Variants in LDHAL6A observed in about 807,000 individuals in gnomAD.
LDHAL6A encodes the protein lactate dehydrogenase A like 6A, also known as L-lactate dehydrogenase A-like 6A.
A neutral mutation model predicts 28.2 loss-of-function variants in LDHAL6A; 19 were observed. The ratio of observed to expected loss-of-function variants is 0.67; its 90% CI spans 0.47 to 0.99. LDHAL6A has a LOEUF of 0.99. Among genes scored for constraint, LDHAL6A ranks in the 50% least tolerant of loss-of-function variants. The pLI, the probability that LDHAL6A is intolerant of heterozygous loss-of-function variation, is 0.00. For synonymous variants in LDHAL6A, 144 were observed against 134.4 expected (o/e 1.07, Z -0.49); for missense variants, 372 against 398.6 (o/e 0.93, Z 0.57).
At position 18,464,020 on chromosome 11, in the gene LDHAL6A, A is replaced by G. The variant is rs201032245; in HGVS notation, c.186A>G (p.Thr62=). ...DVDEGKLKGE[T]MDLQHGSPFM... ...ATGAAGGCAAACTGAAGGGTGAGACAATGGATCTTCAACATGGCAGCCCTT... is the reference window on the plus strand; with the variant it reads ...ATGAAGGCAAACTGAAGGGTGAGACGATGGATCTTCAACATGGCAGCCCTT... Residue 62 remains threonine (T), a synonymous_variant, in exon 2 of 7, where the codon ACA becomes ACG. Transcript: ENST00000280706. The G allele has an allele frequency of 2.7e-5, 43 of 1,614,008 alleles. No individual in the cohort carries two copies. The highest frequency in any genetic ancestry group is 3.6e-5 in the Non-Finnish European group (43 of 1,179,970).
chr11:18,464,992 G>GTTTTTTTTT (rs1212053975), intron 2 of LDHAL6A, among the ~76,000 whole-genome samples: 1 of 119,878 alleles, frequency 8.3e-6, no homozygotes, highest in African/African-American at 3.5e-5. Context: ...TTTTTGTTTT[G>GTTTTTTTTT]TTTTGTTTTG....
chr11:18,465,940 A>G (rs981409296), intron 3 of LDHAL6A, 130 bp downstream of exon 3: 2 of 644,776 alleles, frequency 3.1e-6, no homozygotes, highest in Non-Finnish European at 2.6e-6. Context: ...TACTGAGCAA[A>G]GTACCTAATA....
At chr11:18,473,969 A>G (rs1281701137) in intron 3 of LDHAL6A, among the ~76,000 whole-genome samples, 1 of 152,052 alleles carries the variant, frequency 6.6e-6, no homozygotes, top group African/African-American at 2.4e-5. Flanking sequence ...AAATGATCAT[A>G]TCTATCTTTT....
At chr11:18,462,627 ACT>A (rs1254709441) in intron 1 of LDHAL6A, among the ~76,000 whole-genome samples, 1 of 134,090 alleles carries the variant, frequency 7.5e-6, no homozygotes, top group South Asian at 2.3e-4. Flanking sequence ...ACAGAGCAAG[ACT>A]CTGTCTCAAA....
At chr11:18,457,729 G>T (rs184862040) in intron 1 of LDHAL6A, among the ~76,000 whole-genome samples, 78 of 152,216 alleles carry the variant, frequency 5.1e-4, no homozygotes, top group African/African-American at 1.6e-3. Context: ...GTTTGATGGG[G>T]CCTCCACGTA....
At chr11:18,473,092 T>A (rs1472586395) in intron 3 of LDHAL6A, among the ~76,000 whole-genome samples, 1 of 152,226 alleles carries the variant, frequency 6.6e-6, no homozygotes, top group Non-Finnish European at 1.5e-5. Context: ...GAGTATTTTC[T>A]TATTTTTGAT....
At chr11:18,467,157 A>C (rs562672849) in intron 3 of LDHAL6A, among the ~76,000 whole-genome samples, 141 of 152,328 alleles carry the variant, frequency 9.3e-4, no homozygotes, top group African/African-American at 3.3e-3. Context: ...CTGTATTCTA[A>C]AATTATTTGG....
Position 18,456,495 on chromosome 11 carries a change from A to G in LDHAL6A, c.-186A>G. On this transcript the variant is annotated 5_prime_UTR_variant, in exon 1 of 7. Coordinates refer to ENST00000280706, the MANE Select transcript of LDHAL6A (RefSeq NM_144972.5). ...TTCATGGATGCTGAGCTGCCTGGCC[A>G]GAACCTACCCAGCTTCTTTGCTGGT... 2 of 579,320 alleles carry G rather than the reference A, an allele frequency of 3.5e-6. No individual in the cohort carries two copies. Among genetic ancestry groups the G allele is most frequent in the East Asian group, 3.0e-5 (1 of 32,860 alleles). 35.9% of individuals were successfully genotyped at this position (579,320 alleles called of 1,614,324 possible).
chr11:18,466,840 TG>T (rs1849087211), intron 3 of LDHAL6A, among the ~76,000 whole-genome samples: 4 of 152,256 alleles, frequency 2.6e-5, no homozygotes, highest in Admixed American at 2.6e-4. Flanking sequence ...ATTTACAAGG[TG>T]GACAAACTGA....
chr11:18,468,006 T>C (rs1457603108), intron 3 of LDHAL6A, among the ~76,000 whole-genome samples: 1 of 70,634 alleles, frequency 1.4e-5, no homozygotes, highest in Admixed American at 1.9e-4. Context: ...TATATACGTA[T>C]ATATATACAT....
chr11:18,459,365 T>C (rs1468392420), intron 1 of LDHAL6A, among the ~76,000 whole-genome samples: 1 of 147,174 alleles, frequency 6.8e-6, no homozygotes, highest in African/African-American at 2.5e-5. Flanking sequence ...GCTTTTGAAC[T>C]CTGAGACCTA....
At chr11:18,462,655 CAAAA>C (rs71047600) in intron 1 of LDHAL6A, among the ~76,000 whole-genome samples, 40 of 105,534 alleles carry the variant, frequency 3.8e-4, no homozygotes, top group Non-Finnish European at 5.0e-4. Context: ...AACAAACAAA[CAAAA>C]AAAAAAACAA....
In LDHAL6A at chr11:18,479,165, ATGCCTGCC is replaced by A. The variant is rs1849474765; in HGVS notation, c.*297_*304del. Reference sequence around the variant, plus strand: ...GGTGGGACCACATGCGTGTGCCTCCATGCCTGCCTAATTTTTGTATCTTTTTGTAGAGA... The same window carrying A: ...GGTGGGACCACATGCGTGTGCCTCCATAATTTTTGTATCTTTTTGTAGAGA... On this transcript the variant is annotated 3_prime_UTR_variant, in exon 7 of 7. Coordinates refer to ENST00000280706, the MANE Select transcript of LDHAL6A (RefSeq NM_144972.5). The A allele has an allele frequency of 5.0e-6, 1 of 201,844 alleles. No individual in the cohort carries two copies. Among genetic ancestry groups the A allele is most frequent in the South Asian group, 1.2e-4 (1 of 8,542 alleles). 12.5% of individuals were successfully genotyped at this position (201,844 alleles called of 1,614,324 possible).
chr11:18,456,725 G>C lies in LDHAL6A; in HGVS notation c.45G>C (p.Glu15Asp). ...AACTTATTAAGAATTTCGCGGAAGA[G>C]GAGGCCATTCATCACAATAAGATCT... is the stretch of plus-strand genomic sequence containing the variant. Reference protein sequence around the residue: ...KSELIKNFAEEEAIHHNKISI... With the variant: ...KSELIKNFAEDEAIHHNKISI... The change falls in exon 1 of 7, where the codon GAG becomes GAC. Residue 15 changes from glutamate (E) to aspartate (D), a missense_variant. Physicochemically the swap from Glu to Asp is conservative, Grantham distance 45. Transcript: ENST00000280706. The C allele has an allele frequency of 6.2e-7, 1 of 1,613,822 alleles. No homozygotes were observed. Among genetic ancestry groups the C allele is most frequent in the Non-Finnish European group, 8.5e-7 (1 of 1,179,854 alleles).
At chr11:18,473,173 A>G (rs184990066) in intron 3 of LDHAL6A, among the ~76,000 whole-genome samples, 87 of 152,338 alleles carry the variant, frequency 5.7e-4, no homozygotes, top group Middle Eastern at 3.4e-3. Context: ...AGGTGGTTCA[A>G]AAGTAATTTA....
chr11:18,476,265 T>A lies in LDHAL6A; in HGVS notation c.593-119T>A, dbSNP rs879138515. ...TAGAATATCTGGAGTGGGGCTCAGATATCGGAACATTCCTAGTTGGAAATC... is the reference window on the plus strand; with the variant it reads ...TAGAATATCTGGAGTGGGGCTCAGAAATCGGAACATTCCTAGTTGGAAATC... On this transcript the variant is annotated intron_variant, in intron 4 of 6. Transcript: ENST00000280706. 4.0e-5 allele frequency: 46 copies of A among 1,140,642 alleles called. No individual in the cohort carries two copies. In the South Asian group the frequency reaches 5.8e-4, roughly 14 times the overall value. 70.7% of individuals were successfully genotyped at this position (1,140,642 alleles called of 1,614,324 possible). A position where few individuals can be genotyped will look rare whatever the true frequency, so the allele number is the denominator to read the frequency against.
chr11:18,470,205 G>A (rs1223526432), intron 3 of LDHAL6A, among the ~76,000 whole-genome samples: 6 of 152,188 alleles, frequency 3.9e-5, no homozygotes, highest in African/African-American at 9.7e-5. Context: ...GATTATAGGC[G>A]TGAGCCACCG....
intron 3 of LDHAL6A, among the ~76,000 whole-genome samples, chr11:18,467,942 CACATATATATAT>C (rs1849132625): frequency 7.3e-5 from 4 of 54,954 alleles, no homozygotes; most frequent in Non-Finnish European, 9.1e-5. Context: ...TATATACACA[CACATATATATAT>C]ACGTATATAT....
intron 3 of LDHAL6A, among the ~76,000 whole-genome samples, chr11:18,468,018 T>C (rs1849154606): frequency 1.6e-5 from 1 of 62,952 alleles, no homozygotes; most frequent in Non-Finnish European, 2.8e-5. Context: ...TATATACATA[T>C]ATATACGTAT....
Sources: allele counts gnomAD v4.1 joint callset (sites outside exome capture counted in the v4.1 genomes callset), GRCh38; gene constraint gnomAD v4.1.1; transcripts MANE v1.5; gene names NCBI Gene and HGNC (gene_info 2026-07-23, HGNC 2026-07-21).